The following MBD5 variants were observed in gnomAD, a reference collection of about 807,000 sequenced individuals.
MBD5 encodes methyl-CpG binding domain protein 5, also known as methyl-CpG-binding domain protein 5.
A neutral mutation model predicts 117.3 loss-of-function variants in MBD5; 13 were observed. That is an observed-to-expected ratio of 0.11 (90% CI 0.07 to 0.18). The LOEUF is 0.18. Ranked by LOEUF, MBD5 falls within the 10% of genes least tolerant of loss-of-function variation. The pLI is 1.00. For missense variants in MBD5, 1,879 were observed against 2,093.8 expected (o/e 0.90, Z 2.00); for synonymous variants, 727 against 766.4 (o/e 0.95, Z 0.85).
At chr2:148,107,943 A>G (rs1214933339) in intron 1 of MBD5, among the ~76,000 whole-genome samples, 2 of 152,170 alleles carry the variant, frequency 1.3e-5, no homozygotes, top group African/African-American at 2.4e-5. Flanking sequence ...GTACAATACT[A>G]TTAATGTAGG....
chr2:148,161,328 A>G (rs550612508), intron 1 of MBD5, among the ~76,000 whole-genome samples: 1 of 152,284 alleles, frequency 6.6e-6, no homozygotes, highest in South Asian at 2.1e-4. Flanking sequence ...CATCTCATTG[A>G]CCAAAGAAGC....
chr2:148,316,594 A>AT (rs1352210670), intron 3 of MBD5, among the ~76,000 whole-genome samples: 1 of 152,148 alleles, frequency 6.6e-6, no homozygotes, highest in Non-Finnish European at 1.5e-5. Context: ...GATACTTTAC[A>AT]TTTCTTAAAT....
intron 3 of MBD5, among the ~76,000 whole-genome samples, chr2:148,256,730 C>T (rs961677696): frequency 6.6e-6 from 1 of 152,236 alleles, no homozygotes; most frequent in Non-Finnish European, 1.5e-5. Flanking sequence ...TGTACCATGG[C>T]CTATCGAGAA....
At position 148,506,237 on chromosome 2, in the gene MBD5, A is replaced by G. The variant is rs570200352; in HGVS notation, c.5036+3728A>G. Among the ~76,000 whole-genome samples, 3 of 152,354 alleles carry G rather than the reference A, an allele frequency of 2.0e-5. No individual in the cohort carries two copies. In the South Asian group the frequency reaches 6.2e-4, roughly 32 times the overall value. On this transcript the variant is annotated intron_variant, in intron 12 of 13. Transcript: ENST00000642680. ...AATACATTACTTAGGGCAATTTTGT[A>G]CTTAAAAGCAGAAATAGCTTTATTA...
intron 2 of MBD5, among the ~76,000 whole-genome samples, chr2:148,226,889 G>C (rs960993350): frequency 6.6e-4 from 100 of 152,164 alleles, no homozygotes; most frequent in East Asian, 2.9e-3. Flanking sequence ...TTTCATGTGT[G>C]TTTTGGCTGC....
At chr2:148,344,090 A>G (rs545718641) in intron 4 of MBD5, among the ~76,000 whole-genome samples, 2 of 151,868 alleles carry the variant, frequency 1.3e-5, no homozygotes, top group Non-Finnish European at 2.9e-5. Flanking sequence ...CCATTGCTTA[A>G]TTTTGTCAAC....
Position 148,340,837 on chromosome 2 carries a change from TACACACACACAC to T in MBD5, c.-679-1349_-679-1338del, listed in dbSNP as rs141965837. Among the ~76,000 whole-genome samples, 44 of 142,560 alleles carry T rather than the reference TACACACACACAC, an allele frequency of 3.1e-4. No homozygotes were observed. The East Asian group carries it at 5.0e-3, about 16-fold the overall frequency. The allele number at this position is 142,560 out of a possible 152,430, so 93.5% of individuals were successfully genotyped here. On this transcript the variant is annotated intron_variant, in intron 3 of 13. Transcript: ENST00000642680. ...TCAGATATTTATTTTAAACCACACA[TACACACACACAC>T]ACACACACACACACACACACACACA...
chr2:148,350,275 C>T (rs1703219394), intron 4 of MBD5, among the ~76,000 whole-genome samples: 1 of 152,134 alleles, frequency 6.6e-6, no homozygotes, highest in Middle Eastern at 3.4e-3. Flanking sequence ...TTCTTCTGCC[C>T]TCATGACTTC....
At chr2:148,325,678 G>A (rs1353548178) in intron 3 of MBD5, among the ~76,000 whole-genome samples, 1 of 152,034 alleles carries the variant, frequency 6.6e-6, no homozygotes, top group African/African-American at 2.4e-5. Context: ...GATCGGTGGT[G>A]ATATCCCCTT....
chr2:148,041,437 T>C (rs1694356839), intron 1 of MBD5: 1 of 152,092 alleles, frequency 6.6e-6, no homozygotes, highest in Non-Finnish European at 1.5e-5. Flanking sequence ...TAGGTGAAAT[T>C]GAGGAAGGGT....
chr2:148,176,624 G>A (rs1698397275), intron 1 of MBD5, among the ~76,000 whole-genome samples: 1 of 151,860 alleles, frequency 6.6e-6, no homozygotes, highest in South Asian at 2.1e-4. Flanking sequence ...GGCCAGGCTG[G>A]TCTCGAACTC....
Position 148,490,781 on chromosome 2 carries a change from A to G in MBD5, c.4962+187A>G. 5 of 692,784 alleles carry G rather than the reference A, an allele frequency of 7.2e-6. 1 individual carries two copies. In the South Asian group the frequency reaches 9.4e-5, roughly 13 times the overall value. 42.9% of individuals were successfully genotyped at this position (692,784 alleles called of 1,614,324 possible). A position where few individuals can be genotyped will look rare whatever the true frequency, so the allele number is the denominator to read the frequency against. On this transcript the variant is annotated intron_variant, in intron 11 of 13. Transcript: ENST00000642680. ...TTATAGTCAACAAAATGTCGTATCA[A>G]CAAGGGGTGAGTTGTAAAGCATTTA...
At chr2:148,389,097 T>C (rs1181533975) in intron 4 of MBD5, among the ~76,000 whole-genome samples, 1 of 150,696 alleles carries the variant, frequency 6.6e-6, no homozygotes, top group Admixed American at 6.6e-5. Flanking sequence ...GTTTCTGAGT[T>C]ACTTCACATA....
At chr2:148,039,651 A>G (rs1007945583) in intron 1 of MBD5, among the ~76,000 whole-genome samples, 1 of 148,964 alleles carries the variant, frequency 6.7e-6, no homozygotes, top group Non-Finnish European at 1.5e-5. Flanking sequence ...GAATATATTC[A>G]TTTTATTAAG....
At chr2:148,285,971 T>C (rs2106403243) in intron 3 of MBD5, among the ~76,000 whole-genome samples, 1 of 152,288 alleles carries the variant, frequency 6.6e-6, no homozygotes, top group East Asian at 1.9e-4. Context: ...GAATAGTGTA[T>C]AATTTAGTAA....
intron 4 of MBD5, among the ~76,000 whole-genome samples, chr2:148,429,990 A>G (rs1389395794): frequency 6.6e-6 from 1 of 152,162 alleles, no homozygotes; most frequent in Non-Finnish European, 1.5e-5. Context: ...AACTTAAAAA[A>G]TACTGCCTGT....
At chr2:148,224,509 ATTTTTTTTTTTTTTTTTTTT>A (rs34659671) in intron 2 of MBD5, among the ~76,000 whole-genome samples, 2 of 58,136 alleles carry the variant, frequency 3.4e-5, no homozygotes, top group Non-Finnish European at 5.9e-5. Context: ...CGCCTGGCTA[ATTTTTTTTTTTTTTTTTTTT>A]TTTTTTTTTT....
intron 8 of MBD5, among the ~76,000 whole-genome samples, chr2:148,479,867 T>G: frequency 6.6e-6 from 1 of 152,040 alleles, no homozygotes; most frequent in East Asian, 1.9e-4. Context: ...TATACACCTG[T>G]TATACCTCTT....
intron 3 of MBD5, among the ~76,000 whole-genome samples, chr2:148,329,466 A>G (rs893842255): frequency 6.6e-6 from 1 of 151,922 alleles, no homozygotes; most frequent in East Asian, 1.9e-4. Flanking sequence ...CCTTTTTTCA[A>G]TTTCCCCTTA....
Sources: allele counts gnomAD v4.1 joint callset (sites outside exome capture counted in the v4.1 genomes callset), GRCh38; gene constraint gnomAD v4.1.1; transcripts MANE v1.5; gene names NCBI Gene and HGNC (gene_info 2026-07-23, HGNC 2026-07-21).